The following CNTN5 variants were observed in gnomAD, a reference collection of about 807,000 sequenced individuals.
The protein encoded by CNTN5 is contactin-5.
In CNTN5, 77 loss-of-function variants were observed where a neutral mutation model predicts 129.1. That is an observed-to-expected ratio of 0.60 (90% CI 0.50 to 0.72). The LOEUF is 0.72. CNTN5 is among the 30% of genes least tolerant of loss of function. The probability of loss-of-function intolerance (pLI) is 0.00; values close to 1 mark genes in which losing one functional copy is unlikely to be tolerated. For missense variants in CNTN5, 1,478 were observed against 1,328.8 expected (o/e 1.11, Z -1.75); for synonymous variants, 509 against 465.6 (o/e 1.09, Z -1.20).
At chr11:99,503,619 G>C (rs61894110) in intron 2 of CNTN5, among the ~76,000 whole-genome samples, 8,505 of 152,200 alleles carry the variant, frequency 0.056, 349 homozygotes, top group Non-Finnish European at 0.085. Context: ...TTGTTGGACT[G>C]CAAAGTACTG....
At chr11:100,161,432 T>C (rs1027253301) in intron 13 of CNTN5, among the ~76,000 whole-genome samples, 22 of 151,952 alleles carry the variant, frequency 1.4e-4, no homozygotes, top group Admixed American at 2.0e-4. Flanking sequence ...AACGGTTATA[T>C]ATCATAGTTC....
intron 2 of CNTN5, among the ~76,000 whole-genome samples, chr11:99,347,462 T>C (rs1448380875): frequency 2.6e-5 from 4 of 152,108 alleles, no homozygotes; most frequent in Non-Finnish European, 4.4e-5. Flanking sequence ...GAGAAAAACA[T>C]AGGCTCAAAT....
chr11:99,737,825 T>A (rs546850429), intron 3 of CNTN5, among the ~76,000 whole-genome samples: 17 of 152,270 alleles, frequency 1.1e-4, no homozygotes, highest in African/African-American at 4.1e-4. Context: ...GTACAGTGTT[T>A]TACCAATCAG....
chr11:99,827,144 A>G (rs1391917761), intron 4 of CNTN5, among the ~76,000 whole-genome samples: 6 of 152,048 alleles, frequency 3.9e-5, no homozygotes, highest in African/African-American at 9.7e-5. Context: ...CTGGAGTGCA[A>G]TGGCCTGATC....
At chr11:99,660,269 T>G (rs1167764626) in intron 3 of CNTN5, among the ~76,000 whole-genome samples, 1 of 152,100 alleles carries the variant, frequency 6.6e-6, no homozygotes, top group African/African-American at 2.4e-5. Context: ...ATGTAAACCT[T>G]AGAAAGTACA....
At chr11:100,077,677 A>G (rs1280344358) in intron 13 of CNTN5, among the ~76,000 whole-genome samples, 1 of 151,820 alleles carries the variant, frequency 6.6e-6, no homozygotes, top group African/African-American at 2.4e-5. Context: ...AAAAAGAAGA[A>G]AAAACAACTT....
chr11:99,768,635 C>T lies in CNTN5; in HGVS notation c.56-50909C>T, dbSNP rs150996359. ...ATTTGGATTTACGTGATGATTTCCT[C>T]TTGAATTTATTAACTATTTTGATAA... is the stretch of plus-strand genomic sequence containing the variant. On this transcript the variant is annotated intron_variant, in intron 3 of 24. Transcript: ENST00000524871. 2.7e-3 allele frequency among the ~76,000 whole-genome samples: 417 copies of T among 152,160 alleles called. 1 individual carries two copies. The highest frequency in any genetic ancestry group is 5.1e-3 in the Non-Finnish European group (348 of 67,948).
chr11:100,119,973 A>G (rs562249103), intron 13 of CNTN5, among the ~76,000 whole-genome samples: 15 of 152,012 alleles, frequency 9.9e-5, no homozygotes, highest in African/African-American at 3.4e-4. Context: ...AAATAGATAT[A>G]TTTACAACTG....
At chr11:99,567,361 A>T (rs1481261626) in intron 3 of CNTN5, among the ~76,000 whole-genome samples, 1 of 136,930 alleles carries the variant, frequency 7.3e-6, no homozygotes, top group Non-Finnish European at 1.7e-5. Flanking sequence ...ACAACAACAA[A>T]AGGCATTTTT....
chr11:99,774,219 T>C (rs1400367334), intron 3 of CNTN5, among the ~76,000 whole-genome samples: 1 of 151,906 alleles, frequency 6.6e-6, no homozygotes, highest in East Asian at 1.9e-4. Flanking sequence ...ACATTGCAGA[T>C]GCTCATCAAA....
chr11:99,348,082 A>C (rs1362156749), intron 2 of CNTN5, among the ~76,000 whole-genome samples: 1 of 152,234 alleles, frequency 6.6e-6, no homozygotes, highest in Non-Finnish European at 1.5e-5. Flanking sequence ...ATAATTGCAC[A>C]AAAGATCACT....
At chr11:99,167,504 T>C (rs1182141473) in intron 1 of CNTN5, among the ~76,000 whole-genome samples, 1 of 152,190 alleles carries the variant, frequency 6.6e-6, no homozygotes, top group Non-Finnish European at 1.5e-5. Flanking sequence ...ATCATTTTAT[T>C]AAAATTAAAT....
At chr11:100,342,147 T>TCACACACACACACACACACA in intron 23 of CNTN5, among the ~76,000 whole-genome samples, 1 of 67,888 alleles carries the variant, frequency 1.5e-5, no homozygotes, top group African/African-American at 1.1e-4. Context: ...TTAGGATAGA[T>TCACACACACACACACACACA]CACAGACACA....
At chr11:99,186,326 T>A (rs1373223108) in intron 1 of CNTN5, among the ~76,000 whole-genome samples, 1 of 151,856 alleles carries the variant, frequency 6.6e-6, no homozygotes, top group East Asian at 1.9e-4. Flanking sequence ...CCTTGTAGAG[T>A]TAGATTGCAG....
At chr11:99,323,451 TC>T (rs1410284692) in intron 1 of CNTN5, among the ~76,000 whole-genome samples, 1 of 152,190 alleles carries the variant, frequency 6.6e-6, no homozygotes, top group African/African-American at 2.4e-5. Flanking sequence ...ATAATTTTTT[TC>T]TTTTGCTATG....
At chr11:100,323,129 C>G (rs911346231) in intron 21 of CNTN5, among the ~76,000 whole-genome samples, 4 of 152,176 alleles carry the variant, frequency 2.6e-5, no homozygotes, top group Admixed American at 6.5e-5. Flanking sequence ...AAGCTGCGAA[C>G]TAAAAAAGCA....
intron 3 of CNTN5, among the ~76,000 whole-genome samples, chr11:99,652,396 G>T (rs1245341718): frequency 6.6e-6 from 1 of 151,908 alleles, no homozygotes; most frequent in African/African-American, 2.4e-5. Flanking sequence ...CATCATCTTT[G>T]TCATATAAAG....
At chr11:99,561,290 A>G (rs10790799) in intron 3 of CNTN5, among the ~76,000 whole-genome samples, 103,747 of 151,738 alleles carry the variant, frequency 0.68, 35,719 homozygotes, top group South Asian at 0.85. Flanking sequence ...AATTTCAGCA[A>G]ATAAGTAAGT....
chr11:99,727,312 CAAAAAAAAA>C (rs397936738), intron 3 of CNTN5, among the ~76,000 whole-genome samples: 1 of 24,312 alleles, frequency 4.1e-5, no homozygotes, highest in Non-Finnish European at 7.7e-5. Context: ...GACTCCGTCT[CAAAAAAAAA>C]AAAAAAAAAA....
Sources: gnomAD v4.1 joint callset for allele counts (sites outside exome capture counted in the v4.1 genomes callset) on GRCh38, gnomAD v4.1.1 for gene constraint, MANE v1.5 for transcripts, NCBI Gene and HGNC (gene_info 2026-07-23, HGNC 2026-07-21) for gene names.